Variants in TACR3 observed in about 807,000 individuals in gnomAD.
TACR3 encodes neuromedin-K receptor.
In TACR3, 34 loss-of-function variants were observed where a neutral mutation model predicts 35.0. That is an observed-to-expected ratio of 0.97 (90% confidence interval 0.74 to 1.30). TACR3 has a LOEUF of 1.30. Among genes scored for constraint, TACR3 ranks in the 50% most tolerant of loss-of-function variants. TACR3 has a pLI of 0.00. For synonymous variants in TACR3, 233 were observed against 221.1 expected, an observed-to-expected ratio of 1.05 and a Z score of -0.48; for missense variants, 558 against 591.7, an observed-to-expected ratio of 0.94 and a Z score of 0.59.
intron 3 of TACR3, among the ~76,000 whole-genome samples, chr4:103,636,398 C>G (rs1253904614): frequency 1.3e-5 from 2 of 151,914 alleles, no homozygotes; most frequent in Admixed American, 1.3e-4. Flanking sequence ...TAAGTTGACT[C>G]TGGTACTTAG....
At chr4:103,635,037 A>G (rs967139942) in intron 3 of TACR3, among the ~76,000 whole-genome samples, 13 of 152,120 alleles carry the variant, frequency 8.5e-5, no homozygotes, top group African/African-American at 3.1e-4. Flanking sequence ...GTCTCCATAT[A>G]GCTTGCTTGC....
chr4:103,698,017 T>C (rs1722563735), intron 1 of TACR3, among the ~76,000 whole-genome samples: 2 of 152,308 alleles, frequency 1.3e-5, no homozygotes, highest in South Asian at 4.1e-4. Context: ...AAAGATAATA[T>C]TGAATTATAC....
intron 3 of TACR3, among the ~76,000 whole-genome samples, chr4:103,619,995 T>G (rs1724740087): frequency 6.6e-6 from 1 of 151,992 alleles, no homozygotes; most frequent in Non-Finnish European, 1.5e-5. Context: ...ATTCACAAAC[T>G]ATGTACCTGA....
chr4:103,603,117 C>T (rs999988528), intron 3 of TACR3, among the ~76,000 whole-genome samples: 3 of 152,186 alleles, frequency 2.0e-5, no homozygotes, highest in Admixed American at 6.5e-5. Flanking sequence ...CCCCCAGCCT[C>T]GCTGCCACCT....
At chr4:103,617,102 C>G (rs993167548) in intron 3 of TACR3, among the ~76,000 whole-genome samples, 1 of 152,086 alleles carries the variant, frequency 6.6e-6, no homozygotes, top group Non-Finnish European at 1.5e-5. Flanking sequence ...ACAATGTTCA[C>G]TAAGCAACAA....
chr4:103,715,942 T>G (rs772471693), intron 1 of TACR3, among the ~76,000 whole-genome samples: 1 of 152,148 alleles, frequency 6.6e-6, no homozygotes, highest in Non-Finnish European at 1.5e-5. Flanking sequence ...TTTAAACTAG[T>G]ACTAAATTCT....
At chr4:103,643,403 G>A (rs754230425) in intron 3 of TACR3, among the ~76,000 whole-genome samples, 21 of 149,446 alleles carry the variant, frequency 1.4e-4, no homozygotes, top group African/African-American at 4.0e-4. Flanking sequence ...CCAGTCTGGC[G>A]ACAGAGTGAG....
chr4:103,597,493 A>G (rs4698901), intron 3 of TACR3, among the ~76,000 whole-genome samples: 1 of 151,950 alleles, frequency 6.6e-6, no homozygotes, highest in South Asian at 2.1e-4. Context: ...TTAGGGTACA[A>G]GTGCACAACG....
rs1350659394 is a variant in TACR3 at position 103,598,140 on chromosome 4, C to A, written c.889-6457G>T. On this transcript the variant is annotated intron_variant, in intron 3 of 4. Transcript: ENST00000304883. ...TTGTTTCCTGACTTTTTAATGATCA[C>A]CATTCTAACTGGTGTGAGATGGTAT... is the stretch of plus-strand genomic sequence containing the variant. 5.3e-4 allele frequency among the ~76,000 whole-genome samples: 81 copies of A among 152,254 alleles called. 2 individuals carry two copies. Among genetic ancestry groups the A allele is most frequent in the Admixed American group, 5.3e-3 (81 of 15,296 alleles).
In TACR3 at chr4:103,693,483, T is replaced by A. The variant is rs17034001; in HGVS notation, c.548+25645A>T. Among the ~76,000 whole-genome samples, 1,233 of 152,284 alleles carry A rather than the reference T, an allele frequency of 8.1e-3. 20 individuals carry two copies. The highest frequency in any genetic ancestry group is 0.028 in the African/African-American group (1,179 of 41,574). ...TAGAATGCTCACTTCTCTGACTTTC[T>A]TCATCATTGCATTACCATAAAATAT... On this transcript the variant is annotated intron_variant, in intron 1 of 4. Transcript: ENST00000304883.
intron 3 of TACR3, among the ~76,000 whole-genome samples, chr4:103,649,772 T>G (rs998814359): frequency 2.0e-5 from 3 of 152,176 alleles, no homozygotes; most frequent in Non-Finnish European, 4.4e-5. Flanking sequence ...TTGAGTTTCC[T>G]CAAAATTGCA....
At chr4:103,657,492 A>T (rs181708453) in intron 2 of TACR3, among the ~76,000 whole-genome samples, 147 of 152,236 alleles carry the variant, frequency 9.7e-4, no homozygotes, top group Non-Finnish European at 1.6e-3. Context: ...AAAGGTAGAT[A>T]AAATGACTGC....
At chr4:103,608,165 T>A (rs1724428642) in intron 3 of TACR3, among the ~76,000 whole-genome samples, 1 of 152,102 alleles carries the variant, frequency 6.6e-6, no homozygotes, top group African/African-American at 2.4e-5. Context: ...ACCTAGGTGC[T>A]CATCGATAAT....
intron 3 of TACR3, among the ~76,000 whole-genome samples, chr4:103,600,589 G>T (rs2110290063): frequency 6.6e-6 from 1 of 152,164 alleles, no homozygotes; most frequent in Admixed American, 6.5e-5. Flanking sequence ...TTTCTCTTGT[G>T]GGCATTTAGT....
intron 3 of TACR3, among the ~76,000 whole-genome samples, chr4:103,650,894 TAATA>T (rs1294338996): frequency 8.8e-5 from 1 of 11,398 alleles, no homozygotes; most frequent in Non-Finnish European, 1.1e-4. Flanking sequence ...TTATATATAA[TAATA>T]TATATATCTC....
chr4:103,606,799 T>C (rs1415467594), intron 3 of TACR3, among the ~76,000 whole-genome samples: 1 of 152,172 alleles, frequency 6.6e-6, no homozygotes, highest in Non-Finnish European at 1.5e-5. Flanking sequence ...TTTTCCTAAT[T>C]GAATACCCTT....
chr4:103,602,120 CTTCATTTCA>C (rs1724220077), intron 3 of TACR3, among the ~76,000 whole-genome samples: 1 of 152,106 alleles, frequency 6.6e-6, no homozygotes, highest in South Asian at 2.1e-4. Flanking sequence ...TCTCTTCTCC[CTTCATTTCA>C]TTCATTTCAT....
At chr4:103,610,521 G>T (rs561786189) in intron 3 of TACR3, among the ~76,000 whole-genome samples, 1 of 151,834 alleles carries the variant, frequency 6.6e-6, no homozygotes, top group Non-Finnish European at 1.5e-5. Context: ...ATATAGTCTG[G>T]ATATTAACTA....
At chr4:103,599,037 C>T (rs1446933892) in intron 3 of TACR3, among the ~76,000 whole-genome samples, 7 of 152,134 alleles carry the variant, frequency 4.6e-5, no homozygotes, top group Admixed American at 6.5e-5. Context: ...CTGTAAATTA[C>T]CTTGGGCAGT....
Sources: allele counts gnomAD v4.1 joint callset (sites outside exome capture counted in the v4.1 genomes callset), GRCh38; gene constraint gnomAD v4.1.1; transcripts MANE v1.5; gene names NCBI Gene and HGNC (gene_info 2026-07-23, HGNC 2026-07-21).